PTPN4: variants seen among roughly 807,000 people sequenced by gnomAD.
The protein encoded by PTPN4 is tyrosine-protein phosphatase non-receptor type 4.
PTPN4 carries 49 observed loss-of-function variants against 135.5 expected under a neutral mutation model. The observed-to-expected ratio is 0.36, with a 90% confidence interval of 0.29 to 0.46. The LOEUF (loss-of-function observed/expected upper bound fraction) is 0.46, where lower values mean the gene tolerates loss of function less well. PTPN4 is among the 20% of genes least tolerant of loss of function. The pLI is 1.00. For missense variants in PTPN4, 860 were observed against 1,101.0 expected (o/e 0.78, Z 3.10); for synonymous variants, 333 against 369.9 (o/e 0.90, Z 1.14).
At chr2:119,901,332 A>G (rs1223113365) in intron 10 of PTPN4, among the ~76,000 whole-genome samples, 1 of 152,220 alleles carries the variant, frequency 6.6e-6, no homozygotes, top group Non-Finnish European at 1.5e-5. Flanking sequence ...TGGCTCATAA[A>G]TAATAACAGG....
intron 10 of PTPN4, among the ~76,000 whole-genome samples, chr2:119,913,480 T>C (rs1052853877): frequency 2.6e-5 from 4 of 152,184 alleles, no homozygotes; most frequent in African/African-American, 9.7e-5. Context: ...TTTGGATTAT[T>C]CAAACTGGAT....
At chr2:119,905,046 AAAAC>A (rs1678466228) in intron 10 of PTPN4, among the ~76,000 whole-genome samples, 1 of 132,924 alleles carries the variant, frequency 7.5e-6, no homozygotes, top group African/African-American at 2.5e-5. Flanking sequence ...AAAAAAAAAA[AAAAC>A]AAATAATCAA....
chr2:119,905,503 A>G (rs1277486540), intron 10 of PTPN4, among the ~76,000 whole-genome samples: 2 of 152,256 alleles, frequency 1.3e-5, no homozygotes, highest in Non-Finnish European at 2.9e-5. Flanking sequence ...ATAGAGAAAC[A>G]GACTCCAATA....
At chr2:119,938,268 C>T (rs1234629219) in intron 15 of PTPN4, among the ~76,000 whole-genome samples, 3 of 151,846 alleles carry the variant, frequency 2.0e-5, no homozygotes, top group East Asian at 3.9e-4. Context: ...GCTGGGACTA[C>T]AGGCGCCCGT....
chr2:119,915,051 A>G (rs1678631422), intron 10 of PTPN4, 128 bp from the exon 11 acceptor site: 9 of 720,012 alleles, frequency 1.2e-5, no homozygotes, highest in Non-Finnish European at 1.8e-5. Context: ...TTCTTTATGT[A>G]CTATGTGTAT....
At chr2:119,913,276 A>G (rs576350052) in intron 10 of PTPN4, among the ~76,000 whole-genome samples, 1 of 152,246 alleles carries the variant, frequency 6.6e-6, no homozygotes, top group East Asian at 1.9e-4. Context: ...ACGTGGCTGC[A>G]TCATTTTACG....
At chr2:119,971,567 G>A (rs1006345112) in intron 26 of PTPN4, among the ~76,000 whole-genome samples, 2 of 152,062 alleles carry the variant, frequency 1.3e-5, no homozygotes, top group African/African-American at 4.8e-5. Context: ...TATGTTTTCT[G>A]GATAAAAGTT....
chr2:119,860,249 T>TGG (rs1390359458), intron 2 of PTPN4, among the ~76,000 whole-genome samples: 2 of 152,168 alleles, frequency 1.3e-5, no homozygotes, highest in African/African-American at 4.8e-5. Flanking sequence ...GCGATTTAAA[T>TGG]GGGGGCCAAC....
intron 20 of PTPN4, 35 bp downstream of exon 20, chr2:119,955,358 C>T: frequency 6.8e-7 from 1 of 1,469,536 alleles, no homozygotes; most frequent in East Asian, 2.4e-5. Context: ...AAGCATTTTG[C>T]TGATATTTGC....
chr2:119,845,103 G>A (rs973314954), intron 2 of PTPN4, among the ~76,000 whole-genome samples: 9 of 149,880 alleles, frequency 6.0e-5, no homozygotes, highest in Non-Finnish European at 1.2e-4. Flanking sequence ...CCAGTCAGGC[G>A]TGGCGGCGCG....
At chr2:119,898,014 T>G (rs72971016) in intron 9 of PTPN4, among the ~76,000 whole-genome samples, 9,079 of 152,288 alleles carry the variant, frequency 0.06, 887 homozygotes, top group African/African-American at 0.21. Flanking sequence ...ATTTAGCTAC[T>G]TTTATAGCAG....
chr2:119,882,456 T>A, intron 7 of PTPN4, 47 bp from the exon 8 acceptor site: 1 of 1,429,004 alleles, frequency 7.0e-7, no homozygotes, highest in Non-Finnish European at 9.4e-7. Context: ...CTATAATAAT[T>A]TAAAAATTTG....
intron 2 of PTPN4, among the ~76,000 whole-genome samples, chr2:119,845,731 A>G (rs1456804420): frequency 1.3e-5 from 2 of 151,998 alleles, no homozygotes; most frequent in Non-Finnish European, 2.9e-5. Flanking sequence ...TTTCTGCACT[A>G]ACTTTTCTTT....
At chr2:119,845,111 G>A (rs1184516025) in intron 2 of PTPN4, among the ~76,000 whole-genome samples, 2 of 148,648 alleles carry the variant, frequency 1.3e-5, no homozygotes, top group African/African-American at 5.0e-5. Context: ...GCGTGGCGGC[G>A]CGAGCCTGCA....
chr2:119,915,351 T>G (rs1038984033), intron 11 of PTPN4, 109 bp downstream of exon 11: 1 of 829,472 alleles, frequency 1.2e-6, no homozygotes, highest in Non-Finnish European at 1.8e-6. Flanking sequence ...ATTAATACTG[T>G]GGATAACTGC....
chr2:119,943,573 T>C (rs1034765293), intron 15 of PTPN4, among the ~76,000 whole-genome samples: 19 of 118,596 alleles, frequency 1.6e-4, no homozygotes, highest in Non-Finnish European at 3.0e-4. Flanking sequence ...AGCTGTTTCA[T>C]TTTTTTCTTT....
chr2:119,881,734 A>T, intron 5 of PTPN4, 52 bp from the exon 6 acceptor site: 19 of 1,271,360 alleles, frequency 1.5e-5, no homozygotes, highest in Non-Finnish European at 2.1e-5. Context: ...CTTAGAATTG[A>T]AATTGTTACA....
intron 10 of PTPN4, among the ~76,000 whole-genome samples, chr2:119,904,043 T>G (rs1316204923): frequency 6.6e-6 from 1 of 152,146 alleles, no homozygotes; most frequent in Non-Finnish European, 1.5e-5. Flanking sequence ...TTCATAAAAT[T>G]GGAAGAAGCA....
At chr2:119,871,619 G>T (rs925571319) in intron 3 of PTPN4, among the ~76,000 whole-genome samples, 8 of 152,104 alleles carry the variant, frequency 5.3e-5, no homozygotes, top group Non-Finnish European at 1.2e-4. Flanking sequence ...TATGTGAACA[G>T]AGGCTACCTC....
Sources: allele counts gnomAD v4.1 joint callset (sites outside exome capture counted in the v4.1 genomes callset), GRCh38; gene constraint gnomAD v4.1.1; transcripts MANE v1.5; gene names NCBI Gene and HGNC (gene_info 2026-07-23, HGNC 2026-07-21).